SPIDR: variants seen among roughly 807,000 people sequenced by gnomAD.
SPIDR encodes scaffold protein involved in DNA repair, also known as DNA repair-scaffolding protein.
A neutral mutation model predicts 104.6 loss-of-function variants in SPIDR; 93 were observed. That is an observed-to-expected ratio of 0.89 (90% CI 0.75 to 1.06). The LOEUF (loss-of-function observed/expected upper bound fraction) is 1.06, where lower values mean the gene tolerates loss of function less well. Ranked by LOEUF, SPIDR falls within the 50% of genes least tolerant of loss-of-function variation. The pLI is 0.00. For missense variants in SPIDR, 1,154 were observed against 1,111.2 expected (o/e 1.04, Z -0.55); for synonymous variants, 431 against 416.9 (o/e 1.03, Z -0.41).
At chr8:47,525,388 C>T (rs558231153) in intron 8 of SPIDR, among the ~76,000 whole-genome samples, 4 of 152,346 alleles carry the variant, frequency 2.6e-5, no homozygotes, top group Non-Finnish European at 2.9e-5. Flanking sequence ...ATGGTTCTAG[C>T]TTTGGCATTA....
At position 47,386,902 on chromosome 8, in the gene SPIDR, G is replaced by GAGAGATAT. The variant is rs1187194454; in HGVS notation, c.526-9471_526-9470insGATATAGA. Among the ~76,000 whole-genome samples the GAGAGATAT allele has an allele frequency of 7.0e-3, 693 of 99,334 alleles. 2 individuals are homozygous for GAGAGATAT. Among genetic ancestry groups the GAGAGATAT allele is most frequent in the Admixed American group, 0.01 (88 of 8,492 alleles). 65.2% of individuals were successfully genotyped at this position (99,334 alleles called of 152,430 possible). A position where few individuals can be genotyped will look rare whatever the true frequency, so the allele number is the denominator to read the frequency against. ...GGAGAGAGAGAGAGAAAGAGAGAGA[G>GAGAGATAT]AGATATAGATATAGATATAGATATA... On this transcript the variant is annotated intron_variant, in intron 5 of 19. Transcript: ENST00000297423.
At chr8:47,588,024 A>AGC (rs1259055963) in intron 8 of SPIDR, among the ~76,000 whole-genome samples, 1 of 84,296 alleles carries the variant, frequency 1.2e-5, no homozygotes, top group Non-Finnish European at 2.2e-5. Flanking sequence ...TTTTAAAATT[A>AGC]GCATATATAT....
intron 10 of SPIDR, among the ~76,000 whole-genome samples, chr8:47,635,174 T>TAA (rs879796915): frequency 6.9e-6 from 1 of 144,212 alleles, no homozygotes; most frequent in Non-Finnish European, 1.5e-5. Flanking sequence ...TGTCTCTACT[T>TAA]AAAAAAAAAA....
chr8:47,423,245 C>T (rs1483468476), intron 7 of SPIDR, among the ~76,000 whole-genome samples: 1 of 150,866 alleles, frequency 6.6e-6, no homozygotes, highest in African/African-American at 2.4e-5. Flanking sequence ...TTCAGTGAGC[C>T]GAGATTACGC....
At chr8:47,506,708 A>C (rs2081538082) in intron 8 of SPIDR, among the ~76,000 whole-genome samples, 2 of 152,148 alleles carry the variant, frequency 1.3e-5, no homozygotes, top group Admixed American at 1.3e-4. Context: ...TGTATTACTT[A>C]GTGGGTTTAC....
intron 10 of SPIDR, among the ~76,000 whole-genome samples, chr8:47,608,175 G>T (rs1245621509): frequency 6.6e-6 from 1 of 152,066 alleles, no homozygotes; most frequent in East Asian, 1.9e-4. Context: ...GCTTATTCTG[G>T]ATACTTCATA....
rs1446828030 is a variant in SPIDR, at chr8:47,735,526, T to C, written c.*76T>C. The C allele has an allele frequency of 1.9e-6, 3 of 1,606,498 alleles. No homozygotes were observed. The highest frequency in any genetic ancestry group is 1.7e-5 in the Admixed American group (1 of 58,054). On this transcript the variant is annotated 3_prime_UTR_variant, in exon 20 of 20. Coordinates refer to ENST00000297423, the MANE Select transcript of SPIDR (RefSeq NM_001080394.4). ...TGGTGGTGGTGATTTGGGGTAGTTA[T>C]TTGTTAACTATGGACACAGTGAACG...
chr8:47,407,549 G>A (rs550632101), intron 6 of SPIDR, among the ~76,000 whole-genome samples: 5 of 152,252 alleles, frequency 3.3e-5, no homozygotes, highest in Admixed American at 3.3e-4. Flanking sequence ...TTTTAGGATT[G>A]AATAAATGAA....
At chr8:47,593,181 C>T (rs1036299769) in intron 8 of SPIDR, among the ~76,000 whole-genome samples, 1 of 152,096 alleles carries the variant, frequency 6.6e-6, no homozygotes, top group African/African-American at 2.4e-5. Context: ...CCACCATGCC[C>T]AGCCAGGTTT....
chr8:47,727,362 C>T, intron 17 of SPIDR, 69 bp downstream of exon 17: 1 of 1,443,766 alleles, frequency 6.9e-7, no homozygotes, highest in Admixed American at 1.8e-5. Flanking sequence ...AGCCCCAGAA[C>T]CTGGGCCTTG....
At chr8:47,715,964 CTTTT>C (rs965625857) in intron 16 of SPIDR, among the ~76,000 whole-genome samples, 3 of 127,094 alleles carry the variant, frequency 2.4e-5, no homozygotes, top group African/African-American at 3.0e-5. Flanking sequence ...TCTCTTTTTT[CTTTT>C]TTTTTTTTTT....
intron 10 of SPIDR, among the ~76,000 whole-genome samples, chr8:47,648,501 G>T (rs898199672): frequency 3.9e-5 from 6 of 152,216 alleles, no homozygotes; most frequent in African/African-American, 1.4e-4. Flanking sequence ...ACAGAAGTCA[G>T]TGTCTGTTTG....
intron 6 of SPIDR, among the ~76,000 whole-genome samples, chr8:47,397,356 C>G (rs973868134): frequency 6.6e-6 from 1 of 151,924 alleles, no homozygotes; most frequent in African/African-American, 2.4e-5. Flanking sequence ...ATTAGCTGGG[C>G]GTGGAGGTGC....
chr8:47,363,079 T>C (rs1354575112), intron 5 of SPIDR, among the ~76,000 whole-genome samples: 1 of 152,112 alleles, frequency 6.6e-6, no homozygotes, highest in Admixed American at 6.5e-5. Flanking sequence ...GGGCAGTAAG[T>C]TTCTCAGGGC....
intron 8 of SPIDR, among the ~76,000 whole-genome samples, chr8:47,454,442 A>G (rs1008543891): frequency 6.6e-6 from 1 of 151,908 alleles, no homozygotes; most frequent in African/African-American, 2.4e-5. Flanking sequence ...ACACTTGGAC[A>G]CAGGAAGGGA....
chr8:47,550,324 C>G (rs1027168750), intron 8 of SPIDR, among the ~76,000 whole-genome samples: 5 of 152,116 alleles, frequency 3.3e-5, no homozygotes, highest in African/African-American at 4.8e-5. Context: ...TAGCTTGATG[C>G]GGATGGCATT....
intron 5 of SPIDR, among the ~76,000 whole-genome samples, chr8:47,307,477 C>T (rs1406612182): frequency 6.6e-6 from 1 of 151,278 alleles, no homozygotes; most frequent in Non-Finnish European, 1.5e-5. Flanking sequence ...CCTTGGCCTC[C>T]CAAAATGCTG....
At chr8:47,338,043 A>G (rs1428071296) in intron 5 of SPIDR, among the ~76,000 whole-genome samples, 1 of 152,092 alleles carries the variant, frequency 6.6e-6, no homozygotes, top group African/African-American at 2.4e-5. Context: ...TTCTTTTTCA[A>G]GGTTGTTTTG....
At chr8:47,301,428 C>A (rs1650532564) in intron 5 of SPIDR, among the ~76,000 whole-genome samples, 2 of 152,174 alleles carry the variant, frequency 1.3e-5, no homozygotes, top group African/African-American at 4.8e-5. Flanking sequence ...TTTATTGGAG[C>A]ATTTAGCCCA....
Sources: gnomAD v4.1 joint callset for allele counts (sites outside exome capture counted in the v4.1 genomes callset) on GRCh38, gnomAD v4.1.1 for gene constraint, MANE v1.5 for transcripts, NCBI Gene and HGNC (gene_info 2026-07-23, HGNC 2026-07-21) for gene names.